Variants in HECW1 observed in about 807,000 individuals in gnomAD.
HECW1 encodes HECT, C2 and WW domain containing E3 ubiquitin protein ligase 1, also known as E3 ubiquitin-protein ligase HECW1.
HECW1 carries 61 observed loss-of-function variants against 182.3 expected under a neutral mutation model. The observed-to-expected ratio is 0.33, with a 90% CI of 0.27 to 0.41. HECW1 has a LOEUF of 0.41. Among genes scored for constraint, HECW1 ranks in the 10% least tolerant of loss-of-function variants. The pLI, the probability that HECW1 is intolerant of heterozygous loss-of-function variation, is 1.00. For synonymous variants in HECW1, 859 were observed against 832.6 expected (o/e 1.03, Z -0.55); for missense variants, 1,739 against 2,108.9 (o/e 0.82, Z 3.44).
intron 5 of HECW1, among the ~76,000 whole-genome samples, chr7:43,357,594 T>A (rs1157944229): frequency 6.6e-6 from 1 of 152,144 alleles, no homozygotes; most frequent in Non-Finnish European, 1.5e-5. Flanking sequence ...GAATAGAGAT[T>A]GATTAATGGG....
In HECW1 at chr7:43,167,995, A is replaced by T. The variant is rs146534272; in HGVS notation, c.-32+53604A>T. Among the ~76,000 whole-genome samples, 97 of 152,216 alleles carry T rather than the reference A, an allele frequency of 6.4e-4. 1 individual carries two copies. Among genetic ancestry groups the T allele is most frequent in the African/African-American group, 2.3e-3 (94 of 41,536 alleles). ...CACATCACACATACCCCTCACCAAC[A>T]CCACACCACCAAGTAAAATTATTCC... On this transcript the variant is annotated intron_variant, in intron 2 of 29. Coordinates refer to ENST00000395891, the MANE Select transcript of HECW1 (RefSeq NM_015052.5).
chr7:43,511,709 A>AT (rs2079881064), intron 24 of HECW1: 1 of 164,162 alleles, frequency 6.1e-6, no homozygotes, highest in Non-Finnish European at 1.3e-5. Flanking sequence ...CCTTTTGTTT[A>AT]TTTTTTGTTA....
At chr7:43,152,735 T>G (rs554247513) in intron 2 of HECW1, among the ~76,000 whole-genome samples, 2 of 152,276 alleles carry the variant, frequency 1.3e-5, no homozygotes, top group African/African-American at 4.8e-5. Context: ...GGAATGAGAT[T>G]TAGTCTATCA....
chr7:43,179,552 A>AGTTT (rs1554299810), intron 2 of HECW1, among the ~76,000 whole-genome samples: 1 of 114,896 alleles, frequency 8.7e-6, no homozygotes, highest in Non-Finnish European at 1.8e-5. Flanking sequence ...ATATTTGCTA[A>AGTTT]GTTTGTTGTT....
At chr7:43,393,198 G>A (rs961521255) in intron 6 of HECW1, among the ~76,000 whole-genome samples, 7 of 152,074 alleles carry the variant, frequency 4.6e-5, no homozygotes, top group African/African-American at 1.7e-4. Flanking sequence ...GGGGCAACAG[G>A]ACCCAGCACC....
chr7:43,232,564 A>G (rs1443958935), intron 2 of HECW1, among the ~76,000 whole-genome samples: 1 of 152,172 alleles, frequency 6.6e-6, no homozygotes, highest in Non-Finnish European at 1.5e-5. Flanking sequence ...TTGGGCTCAG[A>G]TGTGCTTCTG....
At chr7:43,556,587 C>G (rs978117070) in intron 29 of HECW1, among the ~76,000 whole-genome samples, 3 of 151,912 alleles carry the variant, frequency 2.0e-5, no homozygotes, top group African/African-American at 7.3e-5. Context: ...ATTTGGGAAG[C>G]TGAGGCAGGA....
chr7:43,339,835 G>A (rs1451801096), intron 5 of HECW1, among the ~76,000 whole-genome samples: 2 of 152,104 alleles, frequency 1.3e-5, no homozygotes, highest in Non-Finnish European at 2.9e-5. Flanking sequence ...AGGGCTTTCA[G>A]TGGGGCCCCT....
chr7:43,333,600 A>C (rs763361887), intron 5 of HECW1, among the ~76,000 whole-genome samples: 1 of 152,228 alleles, frequency 6.6e-6, no homozygotes, highest in Non-Finnish European at 1.5e-5. Flanking sequence ...CTTAATAAGT[A>C]TGTATTCAAT....
chr7:43,181,004 C>G (rs1312928972), intron 2 of HECW1, among the ~76,000 whole-genome samples: 1 of 152,066 alleles, frequency 6.6e-6, no homozygotes. Flanking sequence ...CCTCTCTCTC[C>G]CCTAACCTCC....
intron 2 of HECW1, among the ~76,000 whole-genome samples, chr7:43,225,718 G>A (rs560838237): frequency 6.6e-6 from 1 of 151,860 alleles, no homozygotes; most frequent in African/African-American, 2.4e-5. Context: ...AATAATGATA[G>A]AAAATGCTGC....
At chr7:43,441,100 G>T (rs929246312) in intron 9 of HECW1, among the ~76,000 whole-genome samples, 1 of 152,184 alleles carries the variant, frequency 6.6e-6, no homozygotes, top group African/African-American at 2.4e-5. Flanking sequence ...TCCAAAGGTG[G>T]TCACTCTTCC....
chr7:43,333,605 T>C (rs2152793635), intron 5 of HECW1, among the ~76,000 whole-genome samples: 1 of 152,330 alleles, frequency 6.6e-6, no homozygotes, highest in African/African-American at 2.4e-5. Context: ...TAAGTATGTA[T>C]TCAATTATAT....
intron 16 of HECW1, among the ~76,000 whole-genome samples, chr7:43,473,073 A>G (rs2078083214): frequency 6.6e-6 from 1 of 152,206 alleles, no homozygotes; most frequent in South Asian, 2.1e-4. Context: ...AACTGGTGCC[A>G]TCCTTGCAGC....
intron 6 of HECW1, among the ~76,000 whole-genome samples, chr7:43,376,967 A>G (rs1238207804): frequency 4.7e-5 from 7 of 150,034 alleles, no homozygotes. Context: ...AAAAAAAAAG[A>G]CTTTTCTTCA....
intron 2 of HECW1, among the ~76,000 whole-genome samples, chr7:43,179,061 G>C (rs144834658): frequency 6.6e-6 from 1 of 152,140 alleles, no homozygotes; most frequent in Non-Finnish European, 1.5e-5. Flanking sequence ...AAGTAACACC[G>C]AGGAAAAAGA....
intron 3 of HECW1, among the ~76,000 whole-genome samples, chr7:43,264,703 G>C (rs1801570574): frequency 6.6e-6 from 1 of 152,044 alleles, no homozygotes. Context: ...AATTAGCCAG[G>C]TGTGGTGGCG....
At chr7:43,205,410 T>C (rs927427599) in intron 2 of HECW1, among the ~76,000 whole-genome samples, 1 of 152,176 alleles carries the variant, frequency 6.6e-6, no homozygotes, top group Non-Finnish European at 1.5e-5. Context: ...GGGCTGGAAT[T>C]GTCATCCTAG....
At position 43,410,165 on chromosome 7, in the gene HECW1, T is replaced by C. The variant is rs146687517; in HGVS notation, c.801+2434T>C. Among the ~76,000 whole-genome samples, 7 of 152,290 alleles carry C rather than the reference T, an allele frequency of 4.6e-5. No individual in the cohort carries two copies. The East Asian group carries it at 1.4e-3, about 29-fold the overall frequency. On this transcript the variant is annotated intron_variant, in intron 8 of 29. Transcript: ENST00000395891. ...AAAAAGCCTTCTCCTTGCAAGACTT[T>C]GCATTTTCTTCCTGGGAGAAAATGA...
Sources: gnomAD v4.1 joint callset for allele counts (sites outside exome capture counted in the v4.1 genomes callset) on GRCh38, gnomAD v4.1.1 for gene constraint, MANE v1.5 for transcripts, NCBI Gene and HGNC (gene_info 2026-07-23, HGNC 2026-07-21) for gene names.